SNTG2: variants seen among roughly 807,000 people sequenced by gnomAD.
SNTG2 encodes the protein gamma-2-syntrophin.
Under a neutral mutation model 70.9 loss-of-function variants are expected in SNTG2, and 74 were observed. The observed-to-expected ratio is 1.04, with a 90% CI of 0.86 to 1.27. SNTG2 has a LOEUF of 1.27. Ranked by LOEUF, SNTG2 falls within the 50% of genes most tolerant of loss-of-function variation. The probability of loss-of-function intolerance (pLI) is 0.00; values close to 1 mark genes in which losing one functional copy is unlikely to be tolerated. For synonymous variants in SNTG2, 278 were observed against 273.8 expected, an observed-to-expected ratio of 1.02 and a Z score of -0.15; for missense variants, 717 against 690.7, an observed-to-expected ratio of 1.04 and a Z score of -0.43.
intron 6 of SNTG2, among the ~76,000 whole-genome samples, chr2:1,152,218 T>C (rs374709237): frequency 1.8e-4 from 28 of 152,182 alleles, no homozygotes; most frequent in African/African-American, 6.5e-4. Context: ...GTAGAGCAAT[T>C]AGTCTTCAGT....
chr2:1,168,002 G>A (rs1655131112), intron 7 of SNTG2, among the ~76,000 whole-genome samples: 1 of 130,076 alleles, frequency 7.7e-6, no homozygotes, highest in Non-Finnish European at 1.6e-5. Context: ...GCCCACAGAC[G>A]GCAGAACTGA....
intron 8 of SNTG2, among the ~76,000 whole-genome samples, chr2:1,184,919 A>G (rs1447694454): frequency 2.0e-5 from 3 of 152,184 alleles, no homozygotes; most frequent in Admixed American, 1.3e-4. Flanking sequence ...CATTAACTCA[A>G]AAGTCCATAG....
At chr2:1,339,758 A>G (rs1367814505) in intron 16 of SNTG2, among the ~76,000 whole-genome samples, 1 of 152,210 alleles carries the variant, frequency 6.6e-6, no homozygotes, top group Non-Finnish European at 1.5e-5. Context: ...TGCCTAACCC[A>G]CAGAAACAAA....
At chr2:1,094,389 A>G (rs866627341) in intron 2 of SNTG2, among the ~76,000 whole-genome samples, 1 of 46,188 alleles carries the variant, frequency 2.2e-5, no homozygotes, top group Non-Finnish European at 3.7e-5. Flanking sequence ...GGCTTCCTGG[A>G]CTGCAGGCGA....
At chr2:1,228,360 G>GC (rs1675940727) in intron 9 of SNTG2, among the ~76,000 whole-genome samples, 1 of 152,210 alleles carries the variant, frequency 6.6e-6, no homozygotes, top group South Asian at 2.1e-4. Flanking sequence ...GTGGTTCCCT[G>GC]CTGGGGGGAG....
At chr2:1,128,568 TAGTA>T (rs928972226) in intron 4 of SNTG2, among the ~76,000 whole-genome samples, 4 of 152,134 alleles carry the variant, frequency 2.6e-5, no homozygotes, top group African/African-American at 4.8e-5. Flanking sequence ...AGTACAGAAA[TAGTA>T]AGTGTTTGAT....
At chr2:1,287,558 A>G (rs1222309217) in intron 14 of SNTG2, among the ~76,000 whole-genome samples, 1 of 141,342 alleles carries the variant, frequency 7.1e-6, no homozygotes, top group East Asian at 1.9e-4. Context: ...GCAGGGGTGG[A>G]GAATAGCAGC....
At position 981,714 on chromosome 2, in the gene SNTG2, C is replaced by T. The variant is rs575031446; in HGVS notation, c.72+30646C>T. 1.5e-3 allele frequency among the ~76,000 whole-genome samples: 236 copies of T among 152,328 alleles called. 4 individuals are homozygous for T. The South Asian group carries it at 0.018, about 12-fold the overall frequency. ...ACACATATACACATGCACACACAAA[C>T]AAGTCGTACACACATGCACATTAAT... On this transcript the variant is annotated intron_variant, in intron 1 of 16. Coordinates refer to ENST00000308624, the MANE Select transcript of SNTG2 (RefSeq NM_018968.4).
intron 1 of SNTG2, among the ~76,000 whole-genome samples, chr2:1,032,484 A>C (rs2148037558): frequency 6.6e-6 from 1 of 152,332 alleles, no homozygotes; most frequent in Non-Finnish European, 1.5e-5. Flanking sequence ...AAGGGAACTC[A>C]GGTAATGGGT....
chr2:1,220,661 T>A (rs1000630690), intron 9 of SNTG2, among the ~76,000 whole-genome samples: 1 of 152,248 alleles, frequency 6.6e-6, no homozygotes, highest in Non-Finnish European at 1.5e-5. Flanking sequence ...AGGGTGTTCA[T>A]GTTGACAGAA....
At chr2:1,025,378 C>T (rs1004330470) in intron 1 of SNTG2, among the ~76,000 whole-genome samples, 4 of 152,126 alleles carry the variant, frequency 2.6e-5, no homozygotes, top group Non-Finnish European at 4.4e-5. Flanking sequence ...TGGACCTGTG[C>T]GGCACTTCTA....
At chr2:1,091,299 C>T (rs1383833425) in intron 2 of SNTG2, among the ~76,000 whole-genome samples, 1 of 152,086 alleles carries the variant, frequency 6.6e-6, no homozygotes, top group Non-Finnish European at 1.5e-5. Flanking sequence ...GCCCCAGGTC[C>T]CTGGACCACT....
intron 14 of SNTG2, among the ~76,000 whole-genome samples, chr2:1,291,834 A>G (rs1680006003): frequency 6.6e-6 from 1 of 152,204 alleles, no homozygotes; most frequent in Admixed American, 6.5e-5. Flanking sequence ...TTGACATTCC[A>G]TAGGAATTTT....
chr2:1,226,375 T>C (rs568791826), intron 9 of SNTG2, among the ~76,000 whole-genome samples: 4 of 152,136 alleles, frequency 2.6e-5, no homozygotes, highest in Non-Finnish European at 5.9e-5. Flanking sequence ...CCCAGCTTCA[T>C]AGAGGTTAAA....
chr2:1,021,535 T>C (rs1023640135), intron 1 of SNTG2, among the ~76,000 whole-genome samples: 1 of 152,144 alleles, frequency 6.6e-6, no homozygotes, highest in Non-Finnish European at 1.5e-5. Context: ...TGTTTAAATA[T>C]ATTTTTTAAT....
Position 1,113,198 on chromosome 2 carries a change from G to C in SNTG2, c.325+14788G>C, listed in dbSNP as rs372679110. Among the ~76,000 whole-genome samples the C allele has an allele frequency of 7.2e-5, 5 of 69,470 alleles. No homozygotes were observed. In the South Asian group the frequency reaches 2.0e-3, roughly 28 times the overall value. 45.6% of individuals were successfully genotyped at this position (69,470 alleles called of 152,430 possible). A position where few individuals can be genotyped will look rare whatever the true frequency, so the allele number is the denominator to read the frequency against. On this transcript the variant is annotated intron_variant, in intron 4 of 16. Transcript: ENST00000308624. The stretch of plus-strand genomic sequence containing the variant: ...TTAACCCTTACAGTCCTTTGAGAAG[G>C]ATCGTGTGTACTGAGGATTAACCTT...
At chr2:1,006,764 G>T (rs1334629132) in intron 1 of SNTG2, among the ~76,000 whole-genome samples, 1 of 152,076 alleles carries the variant, frequency 6.6e-6, no homozygotes, top group Non-Finnish European at 1.5e-5. Context: ...GGTGGCTCAC[G>T]CCTGTAATGT....
intron 4 of SNTG2, among the ~76,000 whole-genome samples, chr2:1,135,578 A>G (rs1339452316): frequency 6.6e-6 from 1 of 152,094 alleles, no homozygotes; most frequent in Non-Finnish European, 1.5e-5. Flanking sequence ...AAAAATTGGC[A>G]GGGTGTGGTG....
chr2:1,161,260 A>G (rs28550075), intron 6 of SNTG2: 116,860 of 151,974 alleles, frequency 0.77, 45,914 homozygotes, highest in Non-Finnish European at 0.86. Context: ...TCCAGCCTGG[A>G]TGACAGTCAA....
Sources: gnomAD v4.1 joint callset for allele counts (sites outside exome capture counted in the v4.1 genomes callset) on GRCh38, gnomAD v4.1.1 for gene constraint, MANE v1.5 for transcripts, NCBI Gene and HGNC (gene_info 2026-07-23, HGNC 2026-07-21) for gene names.